Variants in MYPN observed in about 807,000 individuals in gnomAD.
The protein encoded by MYPN is sarcomeric protein myopalladin, 145 kDa (MYOP).
Under a neutral mutation model 129.4 loss-of-function variants are expected in MYPN, and 63 were observed. That is an observed-to-expected ratio of 0.49 (90% CI 0.40 to 0.60). The LOEUF is 0.60. MYPN is among the 20% of genes least tolerant of loss of function. The probability of loss-of-function intolerance (pLI) is 0.00; values close to 1 mark genes in which losing one functional copy is unlikely to be tolerated. For synonymous variants in MYPN, 629 were observed against 600.9 expected (o/e 1.05, Z -0.68); for missense variants, 1,596 against 1,635.4 (o/e 0.98, Z 0.42).
chr10:68,103,823 G>A (rs569979087), upstream of MYPN, among the ~76,000 whole-genome samples: 14 of 152,170 alleles, frequency 9.2e-5, no homozygotes, highest in Non-Finnish European at 7.4e-5. Flanking sequence ...GGTGGCAGGC[G>A]CCTGTAATCC....
rs772763840 is a variant in MYPN at position 68,201,907 on chromosome 10, T to G, written c.3572T>G (p.Leu1191Arg). 1 of 1,614,158 alleles carries G rather than the reference T, an allele frequency of 6.2e-7. No individual in the cohort carries two copies. The highest frequency in any genetic ancestry group is 1.7e-5 in the Admixed American group (1 of 60,020). ...CGVPEGHPVR[L>R]ECRVIGMPPP... ...GTTCCCGAAGGCCACCCCGTGAGAC[T>G]GGAGTGCCGCGTGATAGGCATGCCC... Residue 1191 changes from leucine (L) to arginine (R), a missense_variant, in exon 18 of 20, where the codon CTG becomes CGG. By Grantham distance (102) the Leu-to-Arg change is moderately radical (BLOSUM62 -2). Coordinates refer to ENST00000358913, the MANE Select transcript of MYPN (RefSeq NM_032578.4).
rs2043677826 is a variant in MYPN at position 68,199,696 on chromosome 10, T to G, written c.3493+121T>G. 5 of 976,474 alleles carry G rather than the reference T, an allele frequency of 5.1e-6. No homozygotes were observed. The South Asian group carries it at 5.4e-5, about 11-fold the overall frequency. The allele number at this position is 976,474 out of a possible 1,614,324, so 60.5% of individuals were successfully genotyped here. A position where few individuals can be genotyped will look rare whatever the true frequency, so the allele number is the denominator to read the frequency against. ...TACTAACTCCAATCTCAATTTCCCCTTCACTGTGGTAGGGGTGGTATTTCC... is the reference window on the plus strand; with the variant it reads ...TACTAACTCCAATCTCAATTTCCCCGTCACTGTGGTAGGGGTGGTATTTCC... On this transcript the variant is annotated intron_variant, in intron 17 of 19. Coordinates refer to ENST00000358913, the MANE Select transcript of MYPN (RefSeq NM_032578.4).
chr10:68,161,256 G>A (rs2042970193), intron 7 of MYPN, among the ~76,000 whole-genome samples: 1 of 152,142 alleles, frequency 6.6e-6, no homozygotes, highest in South Asian at 2.1e-4. Flanking sequence ...AGCACTTTGG[G>A]AGGCTAAGGC....
chr10:68,106,819 G>A (rs1311767990), upstream of MYPN: 1 of 716,906 alleles, frequency 1.4e-6, no homozygotes, highest in African/African-American at 1.7e-5. Context: ...AATTGTTTCT[G>A]TGGCTGACTG....
At chr10:68,109,836 CTG>C (rs2042056836) in intron 1 of MYPN, 113 bp downstream of exon 1, 9 of 369,298 alleles carry the variant, frequency 2.4e-5, no homozygotes, top group Admixed American at 2.4e-4. Context: ...CCTAGGATAA[CTG>C]TCTAATTACA....
chr10:68,090,424 C>T (rs1224690977), intron 1 of MYPN, among the ~76,000 whole-genome samples: 1 of 152,162 alleles, frequency 6.6e-6, no homozygotes, highest in African/African-American at 2.4e-5. Context: ...CTCGGCCTCC[C>T]AAAGTGCTAG....
At chr10:68,145,900 C>T (rs911181472) in intron 4 of MYPN, among the ~76,000 whole-genome samples, 28 of 152,150 alleles carry the variant, frequency 1.8e-4, no homozygotes, top group Non-Finnish European at 2.9e-5. Flanking sequence ...ATATCATTCT[C>T]GTGGCCTTGA....
rs191576324 is a variant in MYPN, at chr10:68,131,910, G to A, written c.902+9570G>A. On this transcript the variant is annotated intron_variant, in intron 2 of 19. Transcript: ENST00000358913. ...TAAATTCATGAAACAATTCTCCTTT[G>A]GAGGACTTTTCCTCATTCAACAACC... 1.1e-4 allele frequency among the ~76,000 whole-genome samples: 16 copies of A among 152,128 alleles called. No homozygotes were observed. The East Asian group carries it at 3.1e-3, about 29-fold the overall frequency.
chr10:68,173,050 G>A (rs1034803778), intron 10 of MYPN, among the ~76,000 whole-genome samples: 1 of 152,130 alleles, frequency 6.6e-6, no homozygotes, highest in African/African-American at 2.4e-5. Context: ...TCCAGCCTGG[G>A]CAACAGAGTG....
intron 1 of MYPN, among the ~76,000 whole-genome samples, chr10:68,095,776 T>C (rs1028247095): frequency 1.9e-4 from 27 of 139,504 alleles, no homozygotes; most frequent in African/African-American, 7.6e-4. Context: ...GAATAGGGGG[T>C]TATTGTTTAA....
At chr10:68,141,367 C>CAAA (rs34852415) in intron 2 of MYPN, among the ~76,000 whole-genome samples, 1 of 92,344 alleles carries the variant, frequency 1.1e-5, no homozygotes, top group African/African-American at 4.2e-5. Context: ...GACTCGGTCT[C>CAAA]AAAAAAAAAA....
In MYPN at chr10:68,158,489, C is replaced by T; in HGVS notation, c.1321C>T (p.Leu441=). 1 of 1,613,638 alleles carries T rather than the reference C, an allele frequency of 6.2e-7. No homozygotes were observed. Among genetic ancestry groups the T allele is most frequent in the Non-Finnish European group, 8.5e-7 (1 of 1,179,630 alleles). Reference sequence around the variant, plus strand: ...TACATTCTTCTTATCATTATAGATGCTACAAAATTTGTCAGCTTCTGAGGG... The same window carrying T: ...TACATTCTTCTTATCATTATAGATGTTACAAAATTTGTCAGCTTCTGAGGG... ...IIAAPVFTKM[L]QNLSASEGQL... is the part of the protein sequence containing the mutation. Residue 441 remains leucine (L), a synonymous_variant, in exon 7 of 20, where the codon CTA becomes TTA. Transcript: ENST00000358913.
Position 68,166,328 on chromosome 10 carries a change from C to A in MYPN, c.1635C>A (p.His545Gln). 1 of 1,614,092 alleles carries A rather than the reference C, an allele frequency of 6.2e-7. No individual in the cohort carries two copies. Among genetic ancestry groups the A allele is most frequent in the Non-Finnish European group, 8.5e-7 (1 of 1,180,020 alleles). ...ACCTCAGCAACAACGGGTCTCTTCA[C>A]TCAGCCAACTCTACCACCAACCTGG... ...NEDLSNNGSL[H>Q]SANSTTNLAA... The change falls in exon 10 of 20, where the codon CAC becomes CAA. Residue 545 changes from histidine (H) to glutamine (Q), a missense_variant. By Grantham distance (24) the His-to-Gln change is conservative. Transcript: ENST00000358913.
intron 8 of MYPN, among the ~76,000 whole-genome samples, chr10:68,164,794 A>T (rs2043029012): frequency 6.6e-6 from 1 of 152,216 alleles, no homozygotes; most frequent in Non-Finnish European, 1.5e-5. Flanking sequence ...TATCAGAGTA[A>T]TCCATAAGAA....
At chr10:68,099,651 A>T (rs75577318) in intron 1 of MYPN, among the ~76,000 whole-genome samples, 4 of 151,926 alleles carry the variant, frequency 2.6e-5, no homozygotes, top group Admixed American at 2.0e-4. Context: ...AAAAAAAAAA[A>T]GTAACTAATA....
intron 10 of MYPN, among the ~76,000 whole-genome samples, chr10:68,169,353 G>C (rs185492538): frequency 8.7e-6 from 1 of 115,144 alleles, no homozygotes; most frequent in Non-Finnish European, 1.8e-5. Context: ...GTGAGACTCC[G>C]TCTCAAATTA....
At chr10:68,203,421 T>C (rs973637578) in intron 18 of MYPN, among the ~76,000 whole-genome samples, 4 of 144,264 alleles carry the variant, frequency 2.8e-5, no homozygotes, top group South Asian at 4.5e-4. Context: ...AGACCCCATC[T>C]CTAAAAAAAA....
intron 12 of MYPN, among the ~76,000 whole-genome samples, chr10:68,184,847 C>A (rs10997996): frequency 0.013 from 1,986 of 152,170 alleles, 47 homozygotes; most frequent in African/African-American, 0.046. Context: ...TGGGAGTATG[C>A]TGAGAAGTGG....
chr10:68,170,926 A>C (rs2043134218), intron 10 of MYPN, among the ~76,000 whole-genome samples: 1 of 152,150 alleles, frequency 6.6e-6, no homozygotes, highest in African/African-American at 2.4e-5. Context: ...AGGCAGGTGG[A>C]TCACTTGAGG....
Sources: allele counts gnomAD v4.1 joint callset (sites outside exome capture counted in the v4.1 genomes callset), GRCh38; gene constraint gnomAD v4.1.1; transcripts MANE v1.5; gene names NCBI Gene and HGNC (gene_info 2026-07-23, HGNC 2026-07-21).